Variants in TRIM35 observed in about 807,000 individuals in gnomAD.
TRIM35 encodes the protein E3 ubiquitin-protein ligase TRIM35.
In TRIM35, 37 loss-of-function variants were observed where a neutral mutation model predicts 49.1. The observed-to-expected ratio is 0.75, with a 90% CI of 0.58 to 0.99. The LOEUF (loss-of-function observed/expected upper bound fraction) is 0.99, where lower values mean the gene tolerates loss of function less well. Ranked by LOEUF, TRIM35 falls within the 50% of genes least tolerant of loss-of-function variation. The pLI, the probability that TRIM35 is intolerant of heterozygous loss-of-function variation, is 0.00. For missense variants in TRIM35, 648 were observed against 702.7 expected (o/e 0.92, Z 0.88); for synonymous variants, 302 against 289.3 (o/e 1.04, Z -0.45).
At chr8:27,294,056 G>T in intron 3 of TRIM35, 24 bp downstream of exon 3, 1 of 1,608,260 alleles carries the variant, frequency 6.2e-7, no homozygotes, top group Non-Finnish European at 8.5e-7. Flanking sequence ...CCCTGTCACT[G>T]AATCCAGACG....
chr8:27,301,304 G>A (rs1183276972), intron 1 of TRIM35, among the ~76,000 whole-genome samples: 1 of 152,176 alleles, frequency 6.6e-6, no homozygotes, highest in Non-Finnish European at 1.5e-5. Context: ...AGACCCAGAG[G>A]AGGTAACCTT....
chr8:27,292,196 A>C (rs775858001), intron 3 of TRIM35, among the ~76,000 whole-genome samples: 20 of 152,194 alleles, frequency 1.3e-4, no homozygotes, highest in Non-Finnish European at 2.8e-4. Context: ...TACTTTTTCT[A>C]TGTTTAGATA....
intron 2 of TRIM35, among the ~76,000 whole-genome samples, chr8:27,298,055 G>A (rs1162094842): frequency 6.6e-6 from 1 of 152,206 alleles, no homozygotes; most frequent in Non-Finnish European, 1.5e-5. Context: ...TGGACCAAAA[G>A]GTGGAGGGTT....
chr8:27,310,689 C>T (rs1038656423), intron 1 of TRIM35, 112 bp downstream of exon 1: 2 of 1,258,358 alleles, frequency 1.6e-6, no homozygotes, highest in Non-Finnish European at 2.2e-6. Context: ...ATGCTGGGAG[C>T]GAGACGCGGG....
intron 1 of TRIM35, among the ~76,000 whole-genome samples, chr8:27,305,744 A>AC (rs781373751): frequency 1.4e-4 from 21 of 152,318 alleles, no homozygotes; most frequent in Admixed American, 2.6e-4. Flanking sequence ...AAGGGTCTGC[A>AC]CAAGGCAGCT....
chr8:27,290,301 A>T (rs1036183701), intron 3 of TRIM35, 123 bp from the exon 4 acceptor site: 10 of 922,160 alleles, frequency 1.1e-5, no homozygotes, highest in Non-Finnish European at 1.7e-5. Context: ...TCAAGATGTT[A>T]ACAATAACAT....
intron 1 of TRIM35, among the ~76,000 whole-genome samples, chr8:27,299,064 C>T (rs936670594): frequency 2.0e-5 from 3 of 152,124 alleles, no homozygotes; most frequent in Non-Finnish European, 4.4e-5. Context: ...TCCCATGAGG[C>T]CTCACCTCAA....
At position 27,309,982 on chromosome 8, in the gene TRIM35, C is replaced by CA. The variant is rs10561313; in HGVS notation, c.435+818dup. On this transcript the variant is annotated intron_variant, in intron 1 of 5. Transcript: ENST00000305364. ...ACTCTAACCTGGGCGATAGAGGTCTCAAAAAAAAAAAAAAACAAAGGGAAG... is the reference window on the plus strand; with the variant it reads ...ACTCTAACCTGGGCGATAGAGGTCTCAAAAAAAAAAAAAAAACAAAGGGAAG... Among the ~76,000 whole-genome samples, 832 of 131,468 alleles carry CA rather than the reference C, an allele frequency of 6.3e-3. 4 individuals are homozygous for CA. The highest frequency in any genetic ancestry group is 0.014 in the African/African-American group (530 of 37,328). 86.2% of individuals were successfully genotyped at this position (131,468 alleles called of 152,430 possible).
At chr8:27,306,057 T>C (rs1333397392) in intron 1 of TRIM35, among the ~76,000 whole-genome samples, 2 of 152,126 alleles carry the variant, frequency 1.3e-5, no homozygotes, top group African/African-American at 4.8e-5. Flanking sequence ...GCAATCCTCC[T>C]GCCTCAGCCT....
Position 27,286,651 on chromosome 8 carries a change from G to A in TRIM35, c.*899C>T, listed in dbSNP as rs919062860. The A allele has an allele frequency of 1.8e-5, 3 of 163,738 alleles. No individual in the cohort carries two copies. The highest frequency in any genetic ancestry group is 4.8e-5 in the African/African-American group (2 of 41,558). 10.1% of individuals were successfully genotyped at this position (163,738 alleles called of 1,614,324 possible). ...AAATCGTGCAAGAATAGATCAATCA[G>A]AGCTGATCTGATGGAGACGGAGGAT... On this transcript the variant is annotated 3_prime_UTR_variant, in exon 6 of 6. Transcript: ENST00000305364.
At position 27,294,447 on chromosome 8, in the gene TRIM35, A is replaced by G. The variant is rs1802525647; in HGVS notation, c.532-137T>C. 9 of 806,572 alleles carry G rather than the reference A, an allele frequency of 1.1e-5. No individual in the cohort carries two copies. In the East Asian group the frequency reaches 1.9e-4, roughly 17 times the overall value. 50.0% of individuals were successfully genotyped at this position (806,572 alleles called of 1,614,324 possible). ...GAACCCCTACAGATAAAATATCAAC[A>G]TAATAGTTTATAAGCACAAATTTCT... On this transcript the variant is annotated intron_variant, in intron 2 of 5. Transcript: ENST00000305364.
chr8:27,308,598 T>C (rs1488604037), intron 1 of TRIM35, among the ~76,000 whole-genome samples: 1 of 152,206 alleles, frequency 6.6e-6, no homozygotes, highest in Non-Finnish European at 1.5e-5. Context: ...ATCTTGTCTA[T>C]TGACTGTCTA....
In TRIM35 at chr8:27,310,806, A is replaced by G; in HGVS notation, c.430T>C (p.Phe144Leu). ...VQPVKDTAHD[F>L]RAKCRNMEHA... ...GTGCAAATCGCTGCTCTTACCCGAA[A>G]GTCGTGGGCAGTGTCCTTCACCGGC... Residue 144 changes from phenylalanine (F) to leucine (L), a missense_variant, in exon 1 of 6, where the codon TTT becomes CTT. Coordinates refer to ENST00000305364, the MANE Select transcript of TRIM35 (RefSeq NM_171982.5). The G allele has an allele frequency of 6.3e-7, 1 of 1,583,482 alleles. No individual in the cohort carries two copies. Among genetic ancestry groups the G allele is most frequent in the Non-Finnish European group, 8.6e-7 (1 of 1,160,106 alleles).
At position 27,287,370 on chromosome 8, in the gene TRIM35, A is replaced by C; in HGVS notation, c.*180T>G. 1 of 690,894 alleles carries C rather than the reference A, an allele frequency of 1.4e-6. No individual in the cohort carries two copies. The highest frequency in any genetic ancestry group is 2.8e-5 in the East Asian group (1 of 35,606). The allele number at this position is 690,894 out of a possible 1,614,324, so 42.8% of individuals were successfully genotyped here. A position where few individuals can be genotyped will look rare whatever the true frequency, so the allele number is the denominator to read the frequency against. ...CCGAATAGCTCCTGACCATGGGCAC[A>C]GAAGGGACCAAACATGGAGAGAGGC... is the stretch of plus-strand genomic sequence containing the variant. On this transcript the variant is annotated 3_prime_UTR_variant, in exon 6 of 6. Transcript: ENST00000305364. The surrounding 1 kb of genome is among the most constrained non-coding windows in gnomAD (Gnocchi z 6.0).
intron 5 of TRIM35, 84 bp downstream of exon 5, chr8:27,289,078 C>T (rs148666973): frequency 0.012 from 13,425 of 1,120,518 alleles, 120 homozygotes; most frequent in Middle Eastern, 0.037. Flanking sequence ...GAGGTGGGCC[C>T]GGCAGAGACC....
Position 27,310,855 on chromosome 8 carries a change from G to A in TRIM35, c.381C>T (p.Pro127=), listed in dbSNP as rs1033654213. ...GCTGCACGCGGTGCCCCTGGTGTCG[G>A]GGGTCGGCCTGGCAGGAGCAGCACA... ...ELLCCSCQAD[P]RHQGHRVQPV... is the part of the protein sequence containing the mutation. Residue 127 remains proline (P), a synonymous_variant, in exon 1 of 6, where the codon CCC becomes CCT. Transcript: ENST00000305364. The A allele has an allele frequency of 6.2e-7, 1 of 1,609,864 alleles. No individual in the cohort carries two copies. The highest frequency in any genetic ancestry group is 1.3e-5 in the African/African-American group (1 of 74,850).
chr8:27,289,346 A>G, intron 4 of TRIM35, 66 bp from the exon 5 acceptor site: 1 of 1,321,526 alleles, frequency 7.6e-7, no homozygotes, highest in Non-Finnish European at 1.1e-6. Context: ...AACTGGGCCA[A>G]CTGGAAACCA....
At chr8:27,294,000 C>G (rs1802510403) in intron 3 of TRIM35, 80 bp downstream of exon 3, 3 of 1,430,370 alleles carry the variant, frequency 2.1e-6, no homozygotes, top group Non-Finnish European at 2.9e-6. Context: ...ATGACGTTGG[C>G]CAGGGCTGGT....
rs917026067 is a variant in TRIM35 at position 27,286,230 on chromosome 8, C to T, written c.*1320G>A. 5 of 451,856 alleles carry T rather than the reference C, an allele frequency of 1.1e-5. No individual in the cohort carries two copies. Among genetic ancestry groups the T allele is most frequent in the African/African-American group, 2.0e-5 (1 of 49,784 alleles). The allele number at this position is 451,856 out of a possible 1,614,324, so 28.0% of individuals were successfully genotyped here. On this transcript the variant is annotated 3_prime_UTR_variant, in exon 6 of 6. Coordinates refer to ENST00000305364, the MANE Select transcript of TRIM35 (RefSeq NM_171982.5). ...CTCTTCAGAGATGTGCGAGAAAAAA[C>T]AAGCCCAGGGAAAAGTCTGCAGGCA...
Sources: allele counts gnomAD v4.1 joint callset (sites outside exome capture counted in the v4.1 genomes callset), GRCh38; gene constraint gnomAD v4.1.1; non-coding constraint Gnocchi (gnomAD v3.1); transcripts MANE v1.5; gene names NCBI Gene and HGNC (gene_info 2026-07-23, HGNC 2026-07-21).